RBFOX1: variants seen among roughly 807,000 people sequenced by gnomAD.
RBFOX1 encodes RNA binding protein fox-1 homolog 1.
A neutral mutation model predicts 57.7 loss-of-function variants in RBFOX1; 8 were observed. The ratio of observed to expected loss-of-function variants is 0.14; its 90% confidence interval spans 0.08 to 0.25. The LOEUF is 0.25. Among genes scored for constraint, RBFOX1 ranks in the 10% least tolerant of loss-of-function variants. The pLI is 1.00. For synonymous variants in RBFOX1, 326 were observed against 222.4 expected, an observed-to-expected ratio of 1.47 and a Z score of -4.15; for missense variants, 611 against 548.5, an observed-to-expected ratio of 1.11 and a Z score of -1.14.
chr16:7,414,654 G>T (rs1204870364), intron 4 of RBFOX1, among the ~76,000 whole-genome samples: 3 of 152,098 alleles, frequency 2.0e-5, no homozygotes, highest in African/African-American at 7.2e-5. Context: ...AGCTCACTCT[G>T]TCACCCAGGC....
intron 4 of RBFOX1, among the ~76,000 whole-genome samples, chr16:7,364,005 C>G (rs373350287): frequency 7.9e-5 from 12 of 152,096 alleles, no homozygotes; most frequent in African/African-American, 2.7e-4. Context: ...AGGAAGACAG[C>G]AAGATCGTAT....
chr16:7,334,659 T>C (rs1465593257), intron 4 of RBFOX1, among the ~76,000 whole-genome samples: 3 of 152,138 alleles, frequency 2.0e-5, no homozygotes, highest in Non-Finnish European at 4.4e-5. Flanking sequence ...CAGAGCTTGT[T>C]GGGAATTAAA....
At chr16:7,662,145 C>G (rs1430214297) in intron 12 of RBFOX1, among the ~76,000 whole-genome samples, 2 of 152,218 alleles carry the variant, frequency 1.3e-5, no homozygotes, top group Non-Finnish European at 2.9e-5. Flanking sequence ...GGCCTGGGAT[C>G]AATTCTTCTC....
At chr16:5,972,479 C>T (rs961810208) in intron 4 of RBFOX1, among the ~76,000 whole-genome samples, 14 of 152,164 alleles carry the variant, frequency 9.2e-5, no homozygotes, top group East Asian at 1.9e-4. Context: ...AGTATTCCAG[C>T]GTCCTCTCTT....
intron 3 of RBFOX1, among the ~76,000 whole-genome samples, chr16:6,737,161 G>C (rs989516027): frequency 6.6e-6 from 1 of 152,152 alleles, no homozygotes; most frequent in Non-Finnish European, 1.5e-5. Flanking sequence ...AAGCTGTAAA[G>C]AATATTGGCA....
intron 4 of RBFOX1, among the ~76,000 whole-genome samples, chr16:6,005,118 C>T (rs756521123): frequency 5.9e-5 from 9 of 152,178 alleles, no homozygotes; most frequent in Non-Finnish European, 1.5e-5. Flanking sequence ...TTCTTAATAC[C>T]AGGAGCATGA....
intron 1 of RBFOX1, among the ~76,000 whole-genome samples, chr16:6,202,045 C>G (rs62016040): frequency 0.25 from 37,665 of 151,980 alleles, 5,626 homozygotes; most frequent in Admixed American, 0.36. Context: ...GCCCCTTCAT[C>G]ATGTGCCCAA....
chr16:5,821,282 T>TTC (rs1660092687), intron 3 of RBFOX1, among the ~76,000 whole-genome samples: 4 of 150,786 alleles, frequency 2.7e-5, no homozygotes, highest in African/African-American at 7.3e-5. Context: ...CTGTCTGTCA[T>TTC]TCTCTCTTTT....
chr16:5,345,552 T>G (rs770035860), intron 1 of RBFOX1, among the ~76,000 whole-genome samples: 1 of 152,200 alleles, frequency 6.6e-6, no homozygotes, highest in Non-Finnish European at 1.5e-5. Flanking sequence ...TTTGGCTCCT[T>G]ACCTCCCAAC....
intron 4 of RBFOX1, among the ~76,000 whole-genome samples, chr16:7,230,649 G>T (rs1175836984): frequency 6.6e-6 from 1 of 152,168 alleles, no homozygotes; most frequent in Admixed American, 6.5e-5. Context: ...TCTGGAACTT[G>T]TTTGTGAAAA....
At chr16:7,339,327 A>G (rs2096849872) in intron 4 of RBFOX1, among the ~76,000 whole-genome samples, 1 of 152,202 alleles carries the variant, frequency 6.6e-6, no homozygotes, top group Admixed American at 6.5e-5. Context: ...AATAGAACAC[A>G]CTCTAGATCT....
intron 3 of RBFOX1, among the ~76,000 whole-genome samples, chr16:5,690,450 A>C (rs1000454913): frequency 6.6e-6 from 1 of 152,116 alleles, no homozygotes; most frequent in Non-Finnish European, 1.5e-5. Flanking sequence ...TACCTTCCCC[A>C]CCATGTTAGG....
At chr16:7,437,257 C>A (rs2058299) in intron 4 of RBFOX1, among the ~76,000 whole-genome samples, 92 of 134,534 alleles carry the variant, frequency 6.8e-4, no homozygotes, top group African/African-American at 2.1e-3. Flanking sequence ...TTTGCCCCCC[C>A]CCCCTTTCTG....
intron 2 of RBFOX1, among the ~76,000 whole-genome samples, chr16:5,584,872 T>C (rs980404826): frequency 5.3e-5 from 8 of 152,172 alleles, no homozygotes; most frequent in South Asian, 2.1e-4. Flanking sequence ...AAGCTTCTTT[T>C]GATTGTACAG....
chr16:5,794,511 C>CGT (rs59795545), intron 3 of RBFOX1, among the ~76,000 whole-genome samples: 5,007 of 149,870 alleles, frequency 0.033, 224 homozygotes, highest in African/African-American at 0.11. Flanking sequence ...TGCCAGCGTG[C>CGT]GTGTGTGTGT....
In RBFOX1 at chr16:5,366,736, T is replaced by C. The variant is rs190722677; in HGVS notation, c.220-100480T>C. 2.1e-4 allele frequency: 72 copies of C among 346,442 alleles called. No homozygotes were observed. In the Admixed American group the frequency reaches 2.6e-3, roughly 12 times the overall value. The allele number at this position is 346,442 out of a possible 1,614,324, so 21.5% of individuals were successfully genotyped here. A position where few individuals can be genotyped will look rare whatever the true frequency, so the allele number is the denominator to read the frequency against. ...GTTAAAAATTTTCCATCTTATTTCA[T>C]TCCTGTAACAGGTGATATCTGGCTG... On this transcript the variant is annotated intron_variant, in intron 1 of 2. Transcript: ENST00000585867.
chr16:5,811,874 T>G (rs2055445001), intron 3 of RBFOX1, among the ~76,000 whole-genome samples: 1 of 152,176 alleles, frequency 6.6e-6, no homozygotes, highest in Non-Finnish European at 1.5e-5. Flanking sequence ...GTTACCACAA[T>G]TTAGCTTTAG....
chr16:7,620,559 A>G (rs1201027950), intron 10 of RBFOX1, among the ~76,000 whole-genome samples: 2 of 152,218 alleles, frequency 1.3e-5, no homozygotes, highest in Admixed American at 1.3e-4. Context: ...TTAAAACCCT[A>G]TCACAGATTC....
At position 6,389,228 on chromosome 16, in the gene RBFOX1, G is replaced by C. The variant is rs777663396; in HGVS notation, c.-64+72171G>C. ...TCTCCTTCATAGAGCCCATTTTTCT[G>C]TGTCTGTGGGCACAAGTTGGGAAAG... On this transcript the variant is annotated intron_variant, in intron 2 of 15. Transcript: ENST00000550418. Among the ~76,000 whole-genome samples the C allele has an allele frequency of 2.6e-5, 4 of 152,162 alleles. No homozygotes were observed. In the East Asian group the frequency reaches 5.8e-4, roughly 22 times the overall value.
Sources: gnomAD v4.1 joint callset for allele counts (sites outside exome capture counted in the v4.1 genomes callset) on GRCh38, gnomAD v4.1.1 for gene constraint, MANE v1.5 for transcripts, NCBI Gene and HGNC (gene_info 2026-07-23, HGNC 2026-07-21) for gene names.